Variants in USH2A observed in about 807,000 individuals in gnomAD.
USH2A encodes usherin.
In USH2A, 443 loss-of-function variants were observed where a neutral mutation model predicts 538.9. That is an observed-to-expected ratio of 0.82 (90% confidence interval 0.76 to 0.89). The LOEUF (loss-of-function observed/expected upper bound fraction) is 0.89, where lower values mean the gene tolerates loss of function less well. Ranked by LOEUF, USH2A falls within the 40% of genes least tolerant of loss-of-function variation. USH2A has a pLI of 0.00. For missense variants in USH2A, 6,633 were observed against 6,324.8 expected, an observed-to-expected ratio of 1.05 and a Z score of -1.65; for synonymous variants, 2,413 against 2,273.5, an observed-to-expected ratio of 1.06 and a Z score of -1.75.
chr1:215,989,994 T>C (rs1180337050), intron 35 of USH2A, among the ~76,000 whole-genome samples: 1 of 152,204 alleles, frequency 6.6e-6, no homozygotes, highest in Non-Finnish European at 1.5e-5. Flanking sequence ...AAGATTGTTC[T>C]AAGAATCAGA....
At chr1:216,208,708 A>C (rs1164420105) in intron 15 of USH2A, among the ~76,000 whole-genome samples, 1 of 152,152 alleles carries the variant, frequency 6.6e-6, no homozygotes, top group African/African-American at 2.4e-5. Context: ...ACTCATGGCT[A>C]AAATTTATTA....
intron 14 of USH2A, among the ~76,000 whole-genome samples, chr1:216,227,891 G>T (rs981175450): frequency 1.3e-5 from 2 of 152,150 alleles, no homozygotes; most frequent in Admixed American, 1.3e-4. Context: ...CGTCCTCACA[G>T]ATCAGGGCAG....
At chr1:215,657,412 A>G (rs1043197223) in intron 64 of USH2A, among the ~76,000 whole-genome samples, 3 of 152,270 alleles carry the variant, frequency 2.0e-5, no homozygotes, top group African/African-American at 7.2e-5. Flanking sequence ...CATGATTACA[A>G]GATTGTTTTA....
intron 3 of USH2A, among the ~76,000 whole-genome samples, chr1:216,383,234 C>T (rs1016957088): frequency 6.6e-6 from 1 of 152,106 alleles, no homozygotes; most frequent in Non-Finnish European, 1.5e-5. Flanking sequence ...CCATCATCAT[C>T]CAGACATTGT....
intron 62 of USH2A, among the ~76,000 whole-genome samples, chr1:215,677,612 T>A (rs1272351971): frequency 2.3e-4 from 35 of 152,182 alleles, no homozygotes; most frequent in Admixed American, 2.3e-3. Flanking sequence ...ATTTTACTTC[T>A]GCTCTCAGCA....
In USH2A at chr1:215,900,177, T is replaced by A. The variant is rs754310768; in HGVS notation, c.7492A>T (p.Ser2498Cys). The change falls in exon 40 of 72, where the codon AGT (serine) becomes TGT (cysteine). Residue 2498 changes from serine to cysteine, a missense_variant. Coordinates refer to ENST00000307340, the MANE Select transcript of USH2A (RefSeq NM_206933.4). ...TACTCTGTGTACGGTTGGAGATCAC[T>A]CACTTCATAGCTTAACGATGCAGAA... Reference protein sequence around the residue: ...NPSASLSYEVSDLQPYTEYMF... With the variant: ...NPSASLSYEVCDLQPYTEYMF... 3.7e-6 allele frequency: 6 copies of A among 1,613,712 alleles called. No homozygotes were observed. In the East Asian group the frequency reaches 1.3e-4, roughly 36 times the overall value.
At chr1:215,999,725 CT>C (rs1305582774) in intron 33 of USH2A, among the ~76,000 whole-genome samples, 2 of 152,084 alleles carry the variant, frequency 1.3e-5, no homozygotes, top group African/African-American at 4.8e-5. Flanking sequence ...CGTGGCTTGG[CT>C]TAGGGGCACA....
chr1:215,966,073 T>C (rs1667339640), intron 36 of USH2A, among the ~76,000 whole-genome samples: 1 of 152,048 alleles, frequency 6.6e-6, no homozygotes, highest in African/African-American at 2.4e-5. Context: ...AAGAAATACA[T>C]GCATCCTAGG....
chr1:215,965,180 C>T (rs1037733183), intron 37 of USH2A, 137 bp downstream of exon 37: 6 of 979,994 alleles, frequency 6.1e-6, no homozygotes, highest in Admixed American at 2.6e-5. Flanking sequence ...GTAGCTTATC[C>T]GTATAGGTTA....
chr1:215,763,012 C>T (rs1661025688), intron 56 of USH2A, among the ~76,000 whole-genome samples: 1 of 152,126 alleles, frequency 6.6e-6, no homozygotes, highest in South Asian at 2.1e-4. Context: ...TTCAAAATTC[C>T]CAGCATTTAT....
intron 44 of USH2A, among the ~76,000 whole-genome samples, chr1:215,849,361 C>T (rs1663957604): frequency 6.6e-6 from 1 of 151,942 alleles, no homozygotes; most frequent in African/African-American, 2.4e-5. Context: ...AAGGGGTCTG[C>T]CTTAAATAAG....
At chr1:216,378,862 T>G (rs996580597) in intron 3 of USH2A, among the ~76,000 whole-genome samples, 3 of 152,174 alleles carry the variant, frequency 2.0e-5, no homozygotes, top group African/African-American at 7.2e-5. Context: ...TTTTTATAAT[T>G]TTTTTTCTCC....
Position 215,886,083 on chromosome 1 carries a change from C to T in USH2A, c.8223+2343G>A, listed in dbSNP as rs77535287. Reference sequence around the variant, plus strand: ...AGATGTTCACTCATGTACTGATGTTCCGTAAATGTCAATAGAACTGAAATT... The same window carrying T: ...AGATGTTCACTCATGTACTGATGTTTCGTAAATGTCAATAGAACTGAAATT... On this transcript the variant is annotated intron_variant, in intron 41 of 71. Coordinates refer to ENST00000307340, the MANE Select transcript of USH2A (RefSeq NM_206933.4). Among the ~76,000 whole-genome samples, 783 of 152,260 alleles carry T rather than the reference C, an allele frequency of 5.1e-3. 8 individuals carry two copies. Among genetic ancestry groups the T allele is most frequent in the African/African-American group, 0.018 (743 of 41,554 alleles).
At chr1:215,939,656 G>A (rs1302411538) in intron 37 of USH2A, among the ~76,000 whole-genome samples, 1 of 152,010 alleles carries the variant, frequency 6.6e-6, no homozygotes, top group African/African-American at 2.4e-5. Context: ...TTGCTGTCTC[G>A]AGAATACCAT....
At chr1:215,649,948 G>A (rs114959705) in intron 65 of USH2A, among the ~76,000 whole-genome samples, 3 of 152,068 alleles carry the variant, frequency 2.0e-5, no homozygotes, top group Non-Finnish European at 2.9e-5. Flanking sequence ...CATCGCTTCC[G>A]GGAAGTGGCT....
At chr1:216,276,022 T>C (rs557273150) in intron 11 of USH2A, among the ~76,000 whole-genome samples, 9 of 152,116 alleles carry the variant, frequency 5.9e-5, no homozygotes, top group African/African-American at 7.2e-5. Flanking sequence ...AGGAACCCTA[T>C]GTCTCTAACC....
intron 49 of USH2A, among the ~76,000 whole-genome samples, chr1:215,803,847 A>C (rs1274036927): frequency 2.0e-5 from 3 of 152,016 alleles, no homozygotes; most frequent in Non-Finnish European, 4.4e-5. Context: ...GCCAAAAGAA[A>C]AAAGCTGGAG....
chr1:216,334,806 G>T (rs1385122533), intron 4 of USH2A, among the ~76,000 whole-genome samples: 1 of 151,732 alleles, frequency 6.6e-6, no homozygotes, highest in Non-Finnish European at 1.5e-5. Context: ...ACAGTAAAAT[G>T]ACAAATTTAA....
chr1:215,889,861 G>C (rs563953711), intron 40 of USH2A, among the ~76,000 whole-genome samples: 1 of 152,110 alleles, frequency 6.6e-6, no homozygotes, highest in African/African-American at 2.4e-5. Context: ...TTCACCATGC[G>C]ACACAATCAA....
Sources: allele counts gnomAD v4.1 joint callset (sites outside exome capture counted in the v4.1 genomes callset), GRCh38; gene constraint gnomAD v4.1.1; transcripts MANE v1.5; gene names NCBI Gene and HGNC (gene_info 2026-07-23, HGNC 2026-07-21).